The following MPZ variants were observed in gnomAD, a reference collection of about 807,000 sequenced individuals.
MPZ encodes the protein myelin protein P0.
MPZ carries 13 observed loss-of-function variants against 27.9 expected under a neutral mutation model. That is an observed-to-expected ratio of 0.47 (90% CI 0.30 to 0.74). MPZ has a LOEUF of 0.74. Ranked by LOEUF, MPZ falls within the 30% of genes least tolerant of loss-of-function variation. The probability of loss-of-function intolerance (pLI) is 0.06; values close to 1 mark genes in which losing one functional copy is unlikely to be tolerated. For synonymous variants in MPZ, 118 were observed against 128.9 expected, an observed-to-expected ratio of 0.92 and a Z score of 0.57; for missense variants, 256 against 317.5, an observed-to-expected ratio of 0.81 and a Z score of 1.47.
intron 1 of MPZ, among the ~76,000 whole-genome samples, chr1:161,308,509 A>C (rs1450081068): frequency 6.6e-6 from 1 of 152,162 alleles, no homozygotes; most frequent in Non-Finnish European, 1.5e-5. Context: ...TGGCAACCAA[A>C]CAAAGTTCCA....
intron 1 of MPZ, 68 bp downstream of exon 1, chr1:161,309,771 A>T (rs1670357633): frequency 1.1e-5 from 14 of 1,299,700 alleles, no homozygotes. Context: ...GGAGTGCAGC[A>T]AAGGCTGTGG....
chr1:161,306,288 T>G (rs1645519189), intron 4 of MPZ, 41 bp downstream of exon 4: 3 of 1,613,482 alleles, frequency 1.9e-6, no homozygotes, highest in Non-Finnish European at 2.5e-6. Flanking sequence ...AGATGGGGGA[T>G]AGTGGGGAGA....
chr1:161,306,058 G>A, intron 5 of MPZ, 50 bp downstream of exon 5: 5 of 1,611,668 alleles, frequency 3.1e-6, no homozygotes, highest in Non-Finnish European at 4.2e-6. Context: ...CTGCCCGGCG[G>A]CTCCCAGGGT....
chr1:161,306,015 G>A, intron 5 of MPZ, 38 bp from the exon 6 acceptor site: 5 of 1,609,440 alleles, frequency 3.1e-6, no homozygotes, highest in Non-Finnish European at 4.3e-6. Context: ...CCGAGCGACT[G>A]GGGCTTGACT....
At chr1:161,309,533 T>TTC (rs554899530) in intron 1 of MPZ, among the ~76,000 whole-genome samples, 192 of 129,370 alleles carry the variant, frequency 1.5e-3, no homozygotes, top group African/African-American at 5.1e-3. Flanking sequence ...TTTTTTTCTT[T>TTC]TCATATATAT....
At chr1:161,307,450 A>T (rs749994412) in intron 1 of MPZ, 26 bp from the exon 2 acceptor site, 1 of 1,613,442 alleles carries the variant, frequency 6.2e-7, no homozygotes, top group African/African-American at 1.3e-5. Context: ...GGGGAATCAG[A>T]TGCACCTATG....
In MPZ at chr1:161,306,431, A is replaced by G. The variant is rs772721427; in HGVS notation, c.482T>C (p.Val161Ala). Residue 161 changes from valine to alanine, a missense_variant, in exon 4 of 6, where the codon GTG becomes GCG. Val to Ala is a moderately conservative substitution (Grantham distance 64, BLOSUM62 0). Around this residue, in one of 2 missense-constraint regions of MPZ, gnomAD observed 155 missense variants for 223.9 expected, o/e 0.69. Transcript: ENST00000533357. ...CACCACCCCGAGGACACCCCCGATC[A>G]CAGCTCCCAGAACGACCCCGTACCT... ...PTRYGVVLGA[V>A]IGGVLGVVLL... is the part of the protein sequence containing the mutation. The G allele has an allele frequency of 6.2e-7, 1 of 1,614,192 alleles. No homozygotes were observed. Among genetic ancestry groups the G allele is most frequent in the South Asian group, 1.1e-5 (1 of 91,090 alleles).
At chr1:161,308,637 C>G (rs1670318301) in intron 1 of MPZ, among the ~76,000 whole-genome samples, 1 of 152,160 alleles carries the variant, frequency 6.6e-6, no homozygotes, top group Non-Finnish European at 1.5e-5. Context: ...ACCTTAGAAC[C>G]TTCTTGGGAA....
intron 1 of MPZ, among the ~76,000 whole-genome samples, chr1:161,309,552 A>ATATATTTTTTTTTTTTTTTTTTTTTTTT: frequency 2.5e-5 from 2 of 80,668 alleles, no homozygotes; most frequent in African/African-American, 5.8e-5. Context: ...ATATATATAT[A>ATATATTTTTTTTTTTTTTTTTTTTTTTT]TTTTTTTTTT....
intron 1 of MPZ, among the ~76,000 whole-genome samples, chr1:161,308,416 A>G (rs1670313239): frequency 6.6e-6 from 1 of 152,194 alleles, no homozygotes; most frequent in Admixed American, 6.5e-5. Flanking sequence ...CACACAAGGA[A>G]GGTCATTCCA....
intron 1 of MPZ, among the ~76,000 whole-genome samples, chr1:161,309,552 A>ATATATATATATTTTTTTTTT: frequency 3.7e-5 from 3 of 80,660 alleles, no homozygotes; most frequent in African/African-American, 1.7e-4. Context: ...ATATATATAT[A>ATATATATATATTTTTTTTTT]TTTTTTTTTT....
intron 1 of MPZ, 59 bp downstream of exon 1, chr1:161,309,780 G>A (rs974331392): frequency 7.4e-7 from 1 of 1,345,636 alleles, no homozygotes; most frequent in East Asian, 2.5e-5. Context: ...CAAAGGCTGT[G>A]GGGATTGCTG....
At position 161,309,958 on chromosome 1, in the gene MPZ, G is replaced by T; in HGVS notation, c.-53C>A. 7.3e-7 allele frequency: 1 copy of T among 1,377,772 alleles called. No individual in the cohort carries two copies. The highest frequency in any genetic ancestry group is 1.0e-6 in the Non-Finnish European group (1 of 988,110). 85.3% of individuals were successfully genotyped at this position (1,377,772 alleles called of 1,614,324 possible). ...CATCTGTGGGGTTGAGAAAGTGGGG[G>T]ACCAGGAACTGAACGGGGGGTTCCT... On this transcript the variant is annotated 5_prime_UTR_variant, in exon 1 of 6. Transcript: ENST00000533357.
intron 2 of MPZ, 92 bp from the exon 3 acceptor site, chr1:161,307,013 GCAAA>G: frequency 3.4e-4 from 22 of 63,996 alleles, no homozygotes; most frequent in Middle Eastern, 4.6e-3. Context: ...AAAGAAAAAA[GCAAA>G]AAAAAAAAAA....
intron 1 of MPZ, 127 bp downstream of exon 1, chr1:161,309,712 T>TA: frequency 1.2e-6 from 1 of 833,570 alleles, no homozygotes; most frequent in Non-Finnish European, 2.0e-6. Flanking sequence ...TCTTTCTGAA[T>TA]ATAATGTCAC....
At chr1:161,308,887 A>C (rs12065184) in intron 1 of MPZ, among the ~76,000 whole-genome samples, 12,135 of 152,122 alleles carry the variant, frequency 0.08, 547 homozygotes, top group South Asian at 0.16. Flanking sequence ...AGCCCAGTAC[A>C]ACCCAGAAGA....
intron 2 of MPZ, 93 bp from the exon 3 acceptor site, chr1:161,307,014 C>CAAAAA (rs34621933): frequency 1.4e-3 from 323 of 232,370 alleles, no homozygotes; most frequent in Middle Eastern, 2.8e-3. Context: ...AAGAAAAAAG[C>CAAAAA]AAAAAAAAAA....
intron 1 of MPZ, among the ~76,000 whole-genome samples, chr1:161,309,552 A>ATATATATATATATATTTTTTT: frequency 1.2e-5 from 1 of 80,664 alleles, no homozygotes; most frequent in African/African-American, 5.8e-5. Flanking sequence ...ATATATATAT[A>ATATATATATATATATTTTTTT]TTTTTTTTTT....
intron 3 of MPZ, 69 bp from the exon 4 acceptor site, chr1:161,306,533 T>C (rs1404486213): frequency 3.7e-6 from 6 of 1,604,118 alleles, no homozygotes; most frequent in Non-Finnish European, 5.1e-6. Flanking sequence ...AGTCCGAGTG[T>C]ATGCCCTGCA....
Sources: allele counts gnomAD v4.1 joint callset (sites outside exome capture counted in the v4.1 genomes callset), GRCh38; gene constraint gnomAD v4.1.1; regional missense constraint gnomAD v4.1.1; transcripts MANE v1.5; gene names NCBI Gene and HGNC (gene_info 2026-07-23, HGNC 2026-07-21).